Variants in CDKN2B-AS1 observed in about 807,000 individuals in gnomAD.
The protein encoded by CDKN2B-AS1 is CDKN2B antisense RNA 1 (non-protein coding).
rs1015879175 is a variant in CDKN2B-AS1, at chr9:21,997,581, G to T, written n.29+2420G>T. Reference sequence around the variant, plus strand: ...GGGGTTGACAAATTGGAGACCCAGGGAAGAGTTGTTGTTGCAAGACTTGAA... The same window carrying T: ...GGGGTTGACAAATTGGAGACCCAGGTAAGAGTTGTTGTTGCAAGACTTGAA... On this transcript the variant is annotated intron_variant and non_coding_transcript_variant, in intron 1 of 4. Coordinates refer to ENST00000650946, the Ensembl canonical transcript of CDKN2B-AS1. This position sits in a 1 kb window ranked among gnomAD's most constrained non-coding sequence, Gnocchi z 4.8. Among the ~76,000 whole-genome samples, 1 of 152,106 alleles carries T rather than the reference G, an allele frequency of 6.6e-6. No individual in the cohort carries two copies. The highest frequency in any genetic ancestry group is 1.9e-4 in the East Asian group (1 of 5,194).
chr9:22,020,699 T>C (rs1379164268), intron 1 of CDKN2B-AS1, among the ~76,000 whole-genome samples: 1 of 152,256 alleles, frequency 6.6e-6, no homozygotes, highest in African/African-American at 2.4e-5. Context: ...TGTCTGTTCA[T>C]GTCCTTTGCC....
intron 4 of CDKN2B-AS1, among the ~76,000 whole-genome samples, chr9:22,089,742 G>A (rs1563974366): frequency 6.6e-6 from 1 of 151,848 alleles, no homozygotes; most frequent in Non-Finnish European, 1.5e-5. Flanking sequence ...GAGCTACTTT[G>A]CCCCCTAGCA....
intron 4 of CDKN2B-AS1, among the ~76,000 whole-genome samples, chr9:22,102,518 G>A (rs1563983143): frequency 6.6e-6 from 1 of 152,118 alleles, no homozygotes; most frequent in Admixed American, 6.5e-5. Context: ...AGGCTCTTGG[G>A]GAGAATCTGT....
chr9:22,043,425 G>C (rs1379318920), intron 1 of CDKN2B-AS1, among the ~76,000 whole-genome samples: 1 of 151,708 alleles, frequency 6.6e-6, no homozygotes, highest in East Asian at 1.9e-4. Context: ...CACACACACA[G>C]ACACACATGC....
intron 4 of CDKN2B-AS1, chr9:22,121,226 C>T (rs1016809109): frequency 1.3e-5 from 2 of 152,016 alleles, no homozygotes; most frequent in African/African-American, 2.4e-5. Flanking sequence ...CTTACCTCAA[C>T]CAAACTAACT....
At chr9:22,028,025 C>A (rs1373817979) in intron 1 of CDKN2B-AS1, among the ~76,000 whole-genome samples, 1 of 152,096 alleles carries the variant, frequency 6.6e-6, no homozygotes, top group East Asian at 1.9e-4. Context: ...TCAGACTCAT[C>A]TAGATTAGAT....
At chr9:22,020,207 T>C (rs1036843860) in intron 1 of CDKN2B-AS1, among the ~76,000 whole-genome samples, 22 of 152,328 alleles carry the variant, frequency 1.4e-4, no homozygotes, top group African/African-American at 4.8e-4. Context: ...CATGCTATTG[T>C]TCTTTTTTTA....
chr9:22,010,732 C>T (rs184085920), intron 1 of CDKN2B-AS1, among the ~76,000 whole-genome samples: 1 of 152,286 alleles, frequency 6.6e-6, no homozygotes, highest in African/African-American at 2.4e-5. Flanking sequence ...TCCCATCCAA[C>T]CCCCATTTCC....
intron 4 of CDKN2B-AS1, among the ~76,000 whole-genome samples, chr9:22,106,003 C>T (rs963643712): frequency 4.6e-5 from 7 of 152,254 alleles, no homozygotes; most frequent in East Asian, 1.9e-4. Flanking sequence ...CTCTGCCTCC[C>T]GGATACAAGC....
intron 4 of CDKN2B-AS1, among the ~76,000 whole-genome samples, chr9:22,100,251 A>G (rs1264856352): frequency 6.6e-6 from 1 of 152,138 alleles, no homozygotes; most frequent in Non-Finnish European, 1.5e-5. Context: ...AACCATTCCT[A>G]CAATGGTTAT....
chr9:22,097,076 C>G (rs1044473432), intron 4 of CDKN2B-AS1, among the ~76,000 whole-genome samples: 3 of 152,278 alleles, frequency 2.0e-5, no homozygotes, highest in African/African-American at 7.2e-5. Context: ...CAAAGGCCAT[C>G]AGGGAGTTTC....
rs371415045 is a variant in CDKN2B-AS1 at position 22,006,028 on chromosome 9, G to A, written n.29+10867G>A. On this transcript the variant is annotated intron_variant and non_coding_transcript_variant, in intron 1 of 4. Transcript: ENST00000650946. The surrounding 1 kb of genome is among the most constrained non-coding windows in gnomAD (Gnocchi z 6.4). ...GTGCGCAGGTACCCTGCAACGTCGC[G>A]GTGGCCCCGCTCCTCGGCCAAGTCC... 5.6e-6 allele frequency: 9 copies of A among 1,604,008 alleles called. No individual in the cohort carries two copies. Among genetic ancestry groups the A allele is most frequent in the Non-Finnish European group, 7.6e-6 (9 of 1,179,544 alleles).
chr9:22,114,286 T>C (rs1825881418), intron 4 of CDKN2B-AS1, among the ~76,000 whole-genome samples: 1 of 152,218 alleles, frequency 6.6e-6, no homozygotes, highest in African/African-American at 2.4e-5. Context: ...GATCAAATCA[T>C]CCTAAATACA....
rs1238452005 is a variant in CDKN2B-AS1, at chr9:21,995,354, G to GCGCTCCCCTCCCCTGCTGGC, written n.29+205_29+224dup. ...GCTTCTTCCTCTTTCCTCTTCCCCC[G>GCGCTCCCCTCCCCTGCTGGC]CGCTCCCCTCCCCTGCTGGCCGCTC... On this transcript the variant is annotated intron_variant and non_coding_transcript_variant, in intron 1 of 4. Transcript: ENST00000650946. This position sits in a 1 kb window ranked among gnomAD's most constrained non-coding sequence, Gnocchi z 5.7. 4 of 152,234 alleles carry GCGCTCCCCTCCCCTGCTGGC rather than the reference G, an allele frequency of 2.6e-5. No homozygotes were observed. Among genetic ancestry groups the GCGCTCCCCTCCCCTGCTGGC allele is most frequent in the Non-Finnish European group, 4.4e-5 (3 of 68,190 alleles). 9.4% of individuals were successfully genotyped at this position (152,234 alleles called of 1,614,324 possible). A position where few individuals can be genotyped will look rare whatever the true frequency, so the allele number is the denominator to read the frequency against.
At chr9:22,099,173 A>G (rs564210889) in intron 4 of CDKN2B-AS1, among the ~76,000 whole-genome samples, 3 of 152,290 alleles carry the variant, frequency 2.0e-5, no homozygotes, top group Admixed American at 2.0e-4. Context: ...AACAACATGT[A>G]CAAAAGCACA....
rs1396199583 is a variant in CDKN2B-AS1, at chr9:22,001,786, A to C, written n.29+6625A>C. The stretch of plus-strand genomic sequence containing the variant: ...CTGAAATTGAGAAACGTTTTATAGA[A>C]ACTTTTCAGGTATGAAGGATAGTAG... On this transcript the variant is annotated intron_variant and non_coding_transcript_variant, in intron 1 of 4. Coordinates refer to ENST00000650946, the Ensembl canonical transcript of CDKN2B-AS1. This position sits in a 1 kb window ranked among gnomAD's most constrained non-coding sequence, Gnocchi z 4.2. 6.6e-6 allele frequency among the ~76,000 whole-genome samples: 1 copy of C among 152,098 alleles called. No homozygotes were observed. The highest frequency in any genetic ancestry group is 1.5e-5 in the Non-Finnish European group (1 of 67,954).
rs935364955 is a variant in CDKN2B-AS1, at chr9:22,025,201, C to G, written n.30-21550C>G. Among the ~76,000 whole-genome samples the G allele has an allele frequency of 5.3e-5, 8 of 152,232 alleles. No homozygotes were observed. In the South Asian group the frequency reaches 8.3e-4, roughly 16 times the overall value. On this transcript the variant is annotated intron_variant and non_coding_transcript_variant, in intron 1 of 4. Coordinates refer to ENST00000650946, the Ensembl canonical transcript of CDKN2B-AS1. ...CAGCAATCATTCAGTTCAATCAGCC[C>G]AGGATGGAGAGTCTGTGCTATGGGC...
chr9:22,084,521 C>G (rs1427182440), intron 4 of CDKN2B-AS1, among the ~76,000 whole-genome samples: 1 of 152,042 alleles, frequency 6.6e-6, no homozygotes, highest in Non-Finnish European at 1.5e-5. Flanking sequence ...TGTCTAACAG[C>G]ATGTGGGTAG....
At chr9:22,070,946 T>C (rs1050820765) in intron 4 of CDKN2B-AS1, among the ~76,000 whole-genome samples, 11 of 152,072 alleles carry the variant, frequency 7.2e-5, no homozygotes, top group African/African-American at 2.4e-4. Flanking sequence ...GTCAGTTATC[T>C]TGTGATACAT....
Sources: gnomAD v4.1 joint callset for allele counts (sites outside exome capture counted in the v4.1 genomes callset) on GRCh38, gnomAD v4.1.1 for gene constraint, Gnocchi (gnomAD v3.1) non-coding constraint, MANE v1.5 for transcripts, NCBI Gene and HGNC (gene_info 2026-07-23, HGNC 2026-07-21) for gene names.